Variants in NDUFA5 observed in about 807,000 individuals in gnomAD.
NDUFA5 encodes NADH dehydrogenase [ubiquinone] 1 alpha subcomplex subunit 5.
Under a neutral mutation model 19.8 loss-of-function variants are expected in NDUFA5, and 11 were observed. The observed-to-expected ratio is 0.56, with a 90% CI of 0.35 to 0.92. The LOEUF is 0.92. NDUFA5 is among the 40% of genes least tolerant of loss of function. The pLI, the probability that NDUFA5 is intolerant of heterozygous loss-of-function variation, is 0.01. For missense variants in NDUFA5, 109 were observed against 134.2 expected, an observed-to-expected ratio of 0.81 and a Z score of 0.93; for synonymous variants, 47 against 46.8, an observed-to-expected ratio of 1.00 and a Z score of -0.01.
chr7:123,597,874 T>A, the NDUFA5 span, among the ~76,000 whole-genome samples: 2 of 151,756 alleles, frequency 1.3e-5, no homozygotes, highest in African/African-American at 2.4e-5. Flanking sequence ...CTACTCTAGG[T>A]TGATGATCCA....
chr7:123,598,472 T>C, the NDUFA5 span, among the ~76,000 whole-genome samples: 1 of 152,016 alleles, frequency 6.6e-6, no homozygotes, highest in Non-Finnish European at 1.5e-5. Flanking sequence ...CCTTTCACAA[T>C]AGTGAAAATT....
Position 123,538,413 on chromosome 7 carries a change from CTG to C in NDUFA5, c.*3704_*3705del, listed in dbSNP as rs766190418. 11 of 152,226 alleles carry C rather than the reference CTG, an allele frequency of 7.2e-5. No individual in the cohort carries two copies. The highest frequency in any genetic ancestry group is 2.0e-4 in the Admixed American group (3 of 15,284). The allele number at this position is 152,226 out of a possible 1,614,324, so 9.4% of individuals were successfully genotyped here. On this transcript the variant is annotated 3_prime_UTR_variant, in exon 5 of 5. Coordinates refer to ENST00000355749, the MANE Select transcript of NDUFA5 (RefSeq NM_005000.5). ...ATTCAAACCCCTTATCACATTCCCA[CTG>C]TGATTTCCTGTGAATTTTGTCTAAA...
the NDUFA5 span, among the ~76,000 whole-genome samples, chr7:123,578,287 G>A: frequency 7.3e-5 from 11 of 150,770 alleles, no homozygotes; most frequent in Non-Finnish European, 1.5e-4. Context: ...AAAGCCTCTT[G>A]GTCCCTCTTT....
At chr7:123,574,805 T>C in the NDUFA5 span, among the ~76,000 whole-genome samples, 1 of 152,142 alleles carries the variant, frequency 6.6e-6, no homozygotes, top group African/African-American at 2.4e-5. Flanking sequence ...AACAGGCAGC[T>C]TACACATCTT....
At chr7:123,557,289 G>A (rs778697883) in intron 2 of NDUFA5, 115 bp downstream of exon 2, 34 of 1,444,538 alleles carry the variant, frequency 2.4e-5, no homozygotes, top group Non-Finnish European at 5.8e-6. Context: ...AGCTCACGCG[G>A]CTTGTAATTA....
chr7:123,548,808 A>AAG (rs778912295), intron 3 of NDUFA5, among the ~76,000 whole-genome samples: 3,580 of 152,288 alleles, frequency 0.024, 87 homozygotes, highest in Non-Finnish European at 0.029. Context: ...CCTTAAACTC[A>AAG]GCCTTTGAGA....
At chr7:123,556,791 G>A (rs1488056627) in intron 2 of NDUFA5, 1 of 484,802 alleles carries the variant, frequency 2.1e-6, no homozygotes, top group African/African-American at 2.0e-5. Context: ...CATTGGATTT[G>A]GCAGCATGGA....
the NDUFA5 span, among the ~76,000 whole-genome samples, chr7:123,593,551 A>G: frequency 4.6e-5 from 7 of 152,176 alleles, no homozygotes; most frequent in Non-Finnish European, 8.8e-5. Context: ...GCTGGATATG[A>G]AATTCTGGGT....
intron 2 of NDUFA5, chr7:123,557,062 C>T (rs555980823): frequency 5.6e-6 from 3 of 533,122 alleles, no homozygotes; most frequent in South Asian, 4.6e-5. Flanking sequence ...ATATGTAATC[C>T]AACGCACCTA....
At chr7:123,564,246 C>A in the NDUFA5 span, among the ~76,000 whole-genome samples, 2 of 152,116 alleles carry the variant, frequency 1.3e-5, no homozygotes, top group Non-Finnish European at 2.9e-5. Context: ...TATGCCTCAC[C>A]CAGTATGTGT....
the NDUFA5 span, among the ~76,000 whole-genome samples, chr7:123,573,000 G>A: frequency 1.3e-5 from 2 of 151,550 alleles, no homozygotes; most frequent in Non-Finnish European, 1.5e-5. Flanking sequence ...TTTAACAAAC[G>A]ATCAGCTATG....
the NDUFA5 span, among the ~76,000 whole-genome samples, chr7:123,568,486 A>G: frequency 5.3e-5 from 8 of 151,426 alleles, no homozygotes; most frequent in African/African-American, 1.7e-4. Flanking sequence ...GTGCCATTGC[A>G]CTCCAGCCTG....
Position 123,551,709 on chromosome 7 carries a change from G to A in NDUFA5, c.67-1123C>T, listed in dbSNP as rs151106994. On this transcript the variant is annotated intron_variant, in intron 2 of 4. Coordinates refer to ENST00000355749, the MANE Select transcript of NDUFA5 (RefSeq NM_005000.5). Reference sequence around the variant, plus strand: ...TAAAGTCTGCATAAAAGGCTCAACCGAAAAAGTAGCAAGAGAATTGAGTCA... The same window carrying A: ...TAAAGTCTGCATAAAAGGCTCAACCAAAAAAGTAGCAAGAGAATTGAGTCA... 438 of 171,106 alleles carry A rather than the reference G, an allele frequency of 2.6e-3. 2 individuals carry two copies. Among genetic ancestry groups the A allele is most frequent in the African/African-American group, 9.6e-3 (403 of 41,822 alleles). 10.6% of individuals were successfully genotyped at this position (171,106 alleles called of 1,614,324 possible).
At chr7:123,546,524 T>C (rs569542647) in intron 3 of NDUFA5, 149 of 433,406 alleles carry the variant, frequency 3.4e-4, no homozygotes, top group African/African-American at 3.1e-3. Context: ...TGACATTTAG[T>C]TATTTTCTAG....
At chr7:123,564,785 T>G in the NDUFA5 span, among the ~76,000 whole-genome samples, 6 of 152,064 alleles carry the variant, frequency 3.9e-5, no homozygotes, top group Admixed American at 3.3e-4. Flanking sequence ...ATTTCTTAAC[T>G]TTATGATAGT....
chr7:123,557,986 A>T, upstream of NDUFA5: 2 of 874,628 alleles, frequency 2.3e-6, no homozygotes, highest in Non-Finnish European at 3.5e-6. Flanking sequence ...CGATGGGCAT[A>T]CAAGCCTAAA....
chr7:123,569,422 T>C, the NDUFA5 span, among the ~76,000 whole-genome samples: 2 of 152,158 alleles, frequency 1.3e-5, no homozygotes, highest in African/African-American at 4.8e-5. Flanking sequence ...GCCAACATAA[T>C]ATTTAAAAAG....
chr7:123,600,190 T>C, the NDUFA5 span, among the ~76,000 whole-genome samples: 1 of 152,168 alleles, frequency 6.6e-6, no homozygotes, highest in Non-Finnish European at 1.5e-5. Context: ...AAATAATGCA[T>C]CTACAGAAAC....
At chr7:123,586,475 T>C in the NDUFA5 span, among the ~76,000 whole-genome samples, 1 of 151,830 alleles carries the variant, frequency 6.6e-6, no homozygotes, top group Non-Finnish European at 1.5e-5. Flanking sequence ...ATTTTGGATA[T>C]ATGTTTTGTA....
Sources: gnomAD v4.1 joint callset for allele counts (sites outside exome capture counted in the v4.1 genomes callset) on GRCh38, gnomAD v4.1.1 for gene constraint, MANE v1.5 for transcripts, NCBI Gene and HGNC (gene_info 2026-07-23, HGNC 2026-07-21) for gene names.